Variants in PPFIA2 observed in about 807,000 individuals in gnomAD.
PPFIA2 encodes the protein liprin-alpha-2.
In PPFIA2, 46 loss-of-function variants were observed where a neutral mutation model predicts 175.5. That is an observed-to-expected ratio of 0.26 (90% CI 0.21 to 0.34). The LOEUF (loss-of-function observed/expected upper bound fraction) is 0.34. PPFIA2 is among the 10% of genes least tolerant of loss of function. The probability of loss-of-function intolerance (pLI) is 1.00; values close to 1 mark genes in which losing one functional copy is unlikely to be tolerated. For synonymous variants in PPFIA2, 568 were observed against 511.4 expected, an observed-to-expected ratio of 1.11 and a Z score of -1.49; for missense variants, 1,179 against 1,506.1, an observed-to-expected ratio of 0.78 and a Z score of 3.60.
At chr12:81,519,113 T>G (rs2062808063) in intron 4 of PPFIA2, among the ~76,000 whole-genome samples, 1 of 152,162 alleles carries the variant, frequency 6.6e-6, no homozygotes, top group South Asian at 2.1e-4. Context: ...CTTTTCCTCC[T>G]AAATCTCCTA....
intron 29 of PPFIA2, chr12:81,267,353 C>G: frequency 2.6e-6 from 1 of 385,510 alleles, no homozygotes; most frequent in South Asian, 1.9e-5. Flanking sequence ...AACGAGACTG[C>G]CAAATTTTTA....
intron 22 of PPFIA2, among the ~76,000 whole-genome samples, chr12:81,305,043 T>C (rs777844894): frequency 1.1e-4 from 17 of 151,982 alleles, no homozygotes; most frequent in Admixed American, 7.2e-4. Flanking sequence ...GTTATTGGAA[T>C]AGGGATTCAG....
intron 4 of PPFIA2, among the ~76,000 whole-genome samples, chr12:81,466,492 C>G (rs911480160): frequency 6.6e-6 from 1 of 152,136 alleles, no homozygotes; most frequent in African/African-American, 2.4e-5. Flanking sequence ...CTCAGGCTGT[C>G]TGTCCATCAA....
chr12:81,282,693 C>G (rs1332216820), intron 26 of PPFIA2: 2 of 189,638 alleles, frequency 1.1e-5, no homozygotes, highest in African/African-American at 4.7e-5. Context: ...TTAGATCCAA[C>G]TTGAATGCTT....
At chr12:81,339,479 T>A in intron 20 of PPFIA2, 145 bp from the exon 21 acceptor site, 1 of 657,090 alleles carries the variant, frequency 1.5e-6, no homozygotes, top group Non-Finnish European at 2.2e-6. Flanking sequence ...TTTAAGATAT[T>A]AAATGCAGTT....
intron 3 of PPFIA2, among the ~76,000 whole-genome samples, chr12:81,727,214 C>G (rs1042077104): frequency 6.6e-6 from 1 of 151,214 alleles, no homozygotes; most frequent in Non-Finnish European, 1.5e-5. Context: ...CTATTTTTCT[C>G]CATCACAAGC....
At position 81,487,347 on chromosome 12, in the gene PPFIA2, A is replaced by C. The variant is rs1039249301; in HGVS notation, c.304-29481T>G. ...ATTTAGTTTACCTTTTTTGTGTTTT[A>C]TCTTATTAATCTGTAAAACACGGAT... On this transcript the variant is annotated intron_variant, in intron 4 of 32. Transcript: ENST00000549396. Among the ~76,000 whole-genome samples, 3 of 151,874 alleles carry C rather than the reference A, an allele frequency of 2.0e-5. No individual in the cohort carries two copies. In the East Asian group the frequency reaches 5.8e-4, roughly 29 times the overall value.
intron 4 of PPFIA2, among the ~76,000 whole-genome samples, chr12:81,632,010 T>C (rs917954769): frequency 1.3e-5 from 2 of 152,232 alleles, no homozygotes; most frequent in African/African-American, 4.8e-5. Flanking sequence ...GGAAATATAC[T>C]ATGTTCACTT....
chr12:81,300,934 C>A (rs1378499000), intron 22 of PPFIA2, among the ~76,000 whole-genome samples: 1 of 152,052 alleles, frequency 6.6e-6, no homozygotes, highest in Non-Finnish European at 1.5e-5. Context: ...CCCAGGATAT[C>A]CTGTTAGATG....
intron 3 of PPFIA2, among the ~76,000 whole-genome samples, chr12:81,699,586 AATT>A (rs1280914489): frequency 2.6e-5 from 4 of 151,870 alleles, no homozygotes; most frequent in African/African-American, 4.8e-5. Flanking sequence ...TGACTATTTG[AATT>A]ATATTTAGGT....
intron 4 of PPFIA2, among the ~76,000 whole-genome samples, chr12:81,468,959 G>T (rs966303580): frequency 1.3e-5 from 2 of 152,054 alleles, no homozygotes; most frequent in African/African-American, 4.8e-5. Flanking sequence ...GAGAAATCTG[G>T]AAAGACTCTT....
At chr12:81,394,488 T>C (rs1034029311) in intron 8 of PPFIA2, among the ~76,000 whole-genome samples, 1 of 151,922 alleles carries the variant, frequency 6.6e-6, no homozygotes, top group East Asian at 1.9e-4. Context: ...AAGTTGTTTA[T>C]CCCTAGGAAA....
At chr12:81,575,865 A>T (rs530374691) in intron 4 of PPFIA2, among the ~76,000 whole-genome samples, 25 of 151,724 alleles carry the variant, frequency 1.6e-4, no homozygotes, top group Non-Finnish European at 3.1e-4. Context: ...CATGCACAGA[A>T]GCTGCAAGTT....
At chr12:81,721,558 A>G (rs2079343619) in intron 3 of PPFIA2, among the ~76,000 whole-genome samples, 1 of 151,342 alleles carries the variant, frequency 6.6e-6, no homozygotes, top group African/African-American at 2.4e-5. Flanking sequence ...TTAAGACATG[A>G]TTTCAAAAGA....
At chr12:81,660,715 C>T (rs188464930) in intron 4 of PPFIA2, among the ~76,000 whole-genome samples, 1,818 of 152,100 alleles carry the variant, frequency 0.012, 41 homozygotes, top group African/African-American at 0.041. Flanking sequence ...AGATACTCCT[C>T]GAGAAGAGCA....
chr12:81,691,342 C>G (rs770404296), intron 3 of PPFIA2, among the ~76,000 whole-genome samples: 18 of 152,080 alleles, frequency 1.2e-4, no homozygotes, highest in Non-Finnish European at 2.5e-4. Context: ...ATAGGTTTAT[C>G]CATACCTCTC....
chr12:81,292,842 T>C (rs1022983125), intron 24 of PPFIA2: 7 of 152,084 alleles, frequency 4.6e-5, no homozygotes, highest in African/African-American at 1.7e-4. Flanking sequence ...GAAAAACATT[T>C]GTGTCTATTT....
At chr12:81,314,293 T>C (rs2051765126) in intron 22 of PPFIA2, among the ~76,000 whole-genome samples, 1 of 151,956 alleles carries the variant, frequency 6.6e-6, no homozygotes, top group South Asian at 2.1e-4. Flanking sequence ...TAAATATTGA[T>C]ACATTCTTTT....
Position 81,268,035 on chromosome 12 carries a change from T to G in PPFIA2, c.3363A>C (p.Gly1121=). ...DRVIRWIQAI[G]LREYANNILE... ...GTATATTATTTGCATATTCTCGAAG[T>G]CCAATTGCTTGTATCCAGCGAATAA... Residue 1121 remains glycine, a synonymous_variant, in exon 29 of 33, where the codon GGA becomes GGC. Coordinates refer to ENST00000549396, the MANE Select transcript of PPFIA2 (RefSeq NM_003625.5). The G allele has an allele frequency of 6.3e-7, 1 of 1,596,688 alleles. No homozygotes were observed. The highest frequency in any genetic ancestry group is 1.1e-5 in the South Asian group (1 of 88,054).
Sources: allele counts gnomAD v4.1 joint callset (sites outside exome capture counted in the v4.1 genomes callset), GRCh38; gene constraint gnomAD v4.1.1; transcripts MANE v1.5; gene names NCBI Gene and HGNC (gene_info 2026-07-23, HGNC 2026-07-21).